The following CYBC1 variants were observed in gnomAD, a reference collection of about 807,000 sequenced individuals.
CYBC1 encodes cytochrome b-245 chaperone 1.
Under a neutral mutation model 21.7 loss-of-function variants are expected in CYBC1, and 22 were observed. The ratio of observed to expected loss-of-function variants is 1.02; its 90% CI spans 0.73 to 1.45. The LOEUF (loss-of-function observed/expected upper bound fraction) is 1.45, where lower values mean the gene tolerates loss of function less well. Among genes scored for constraint, CYBC1 ranks in the 40% most tolerant of loss-of-function variants. The pLI, the probability that CYBC1 is intolerant of heterozygous loss-of-function variation, is 0.00. For synonymous variants in CYBC1, 112 were observed against 98.7 expected (o/e 1.13, Z -0.80); for missense variants, 237 against 242.1 (o/e 0.98, Z 0.14).
At position 82,444,104 on chromosome 17, in the gene CYBC1, T is replaced by C. The variant is rs1017295961; in HGVS notation, c.464A>G (p.Lys155Arg). Reference protein sequence around the residue: ...GHRSDVEAIAKLITSFLELHC... With the variant: ...GHRSDVEAIARLITSFLELHC... ...CAGCTCCAGGAAGCTGGTGATGAGCTTGGCGATGGCTTCCACATCACTGGG... is the reference window on the plus strand; with the variant it reads ...CAGCTCCAGGAAGCTGGTGATGAGCCTGGCGATGGCTTCCACATCACTGGG... The change falls in exon 7 of 7, where the codon AAG becomes AGG. Residue 155 changes from lysine to arginine, a missense_variant. Coordinates refer to ENST00000306645, the MANE Select transcript of CYBC1 (RefSeq NM_001033046.4). The C allele has an allele frequency of 2.0e-5, 32 of 1,612,110 alleles. No individual in the cohort carries two copies. The Admixed American group carries it at 3.8e-4, about 19-fold the overall frequency.
At chr17:82,447,746 A>G in intron 2 of CYBC1, 125 bp from the exon 3 acceptor site, 3 of 844,746 alleles carry the variant, frequency 3.6e-6, no homozygotes, top group Non-Finnish European at 5.8e-6. Flanking sequence ...AGCTGTGGTC[A>G]GGGGTTACAG....
Position 82,443,618 on chromosome 17 carries a change from G to C in CYBC1, c.*386C>G, listed in dbSNP as rs1214822886. The stretch of plus-strand genomic sequence containing the variant: ...CAAAGCAGGAGTCCAGGGCTGGCGA[G>C]ACCTCCGGCTGCAGAAAGGCAGGCC... On this transcript the variant is annotated 3_prime_UTR_variant, in exon 7 of 7. Coordinates refer to ENST00000306645, the MANE Select transcript of CYBC1 (RefSeq NM_001033046.4). The surrounding 1 kb of genome is among the most constrained non-coding windows in gnomAD (Gnocchi z 6.7). 1 of 722,474 alleles carries C rather than the reference G, an allele frequency of 1.4e-6. No homozygotes were observed. Among genetic ancestry groups the C allele is most frequent in the Admixed American group, 2.0e-5 (1 of 51,150 alleles). 44.8% of individuals were successfully genotyped at this position (722,474 alleles called of 1,614,324 possible).
rs772684407 is a variant in CYBC1, at chr17:82,445,847, C to T, written c.298+17G>A. 30 of 1,591,694 alleles carry T rather than the reference C, an allele frequency of 1.9e-5. No homozygotes were observed. The highest frequency in any genetic ancestry group is 1.4e-4 in the Admixed American group (8 of 57,212). On this transcript the variant is annotated intron_variant, in intron 5 of 6. Coordinates refer to ENST00000306645, the MANE Select transcript of CYBC1 (RefSeq NM_001033046.4). ...TCTGTGGCCGTGTCCCATGTCCCCA[C>T]GCTCCCCACGACTCACCCTGGTCGT...
intron 5 of CYBC1, chr17:82,445,497 C>T: frequency 5.6e-6 from 1 of 178,392 alleles, no homozygotes; most frequent in South Asian, 1.0e-4. Context: ...GGACAAGTGG[C>T]TGCCAGGCAG....
chr17:82,442,984 T>C lies in CYBC1; in HGVS notation c.*1020A>G, dbSNP rs111793760. ...CTCCTACGGGGTGGGGAGAAGTCTG[T>C]AGCCGAGAGCCCAGCCCCCTCCTGC... is the stretch of plus-strand genomic sequence containing the variant. On this transcript the variant is annotated 3_prime_UTR_variant, in exon 7 of 7. Transcript: ENST00000306645. This position sits in a 1 kb window ranked among gnomAD's most constrained non-coding sequence, Gnocchi z 6.8. 4.8e-6 allele frequency: 1 copy of C among 206,328 alleles called. No individual in the cohort carries two copies. The highest frequency in any genetic ancestry group is 1.2e-4 in the East Asian group (1 of 8,510). 12.8% of individuals were successfully genotyped at this position (206,328 alleles called of 1,614,324 possible).
intron 1 of CYBC1, 150 bp from the exon 2 acceptor site, chr17:82,449,442 G>T: frequency 2.2e-6 from 1 of 455,102 alleles, no homozygotes; most frequent in Non-Finnish European, 3.9e-6. Flanking sequence ...TGGTCTCTGT[G>T]GTTGGGCACG....
intron 5 of CYBC1, 44 bp downstream of exon 5, chr17:82,445,820 C>A: frequency 6.7e-7 from 1 of 1,485,604 alleles, no homozygotes; most frequent in Non-Finnish European, 9.2e-7. Context: ...AAGTGCGCCG[C>A]CTCTGTGGCC....
intron 2 of CYBC1, 188 bp downstream of exon 2, chr17:82,448,982 C>A: frequency 1.8e-6 from 1 of 569,936 alleles, no homozygotes; most frequent in Non-Finnish European, 3.1e-6. Flanking sequence ...TAAAAGGGGA[C>A]AAAACAGACA....
At position 82,445,969 on chromosome 17, in the gene CYBC1, C is replaced by T. The variant is rs753072830; in HGVS notation, c.202-9G>A. ...TTGTCGAAGATGGCTTCCTGGAAACCGACATGCACTGACCACCATGAACCT... is the reference window on the plus strand; with the variant it reads ...TTGTCGAAGATGGCTTCCTGGAAACTGACATGCACTGACCACCATGAACCT... On this transcript the variant is annotated splice_polypyrimidine_tract_variant and intron_variant, in intron 4 of 6. Coordinates refer to ENST00000306645, the MANE Select transcript of CYBC1 (RefSeq NM_001033046.4). 2.0e-5 allele frequency: 32 copies of T among 1,611,856 alleles called. No homozygotes were observed. Among genetic ancestry groups the T allele is most frequent in the Middle Eastern group, 1.6e-4 (1 of 6,076 alleles).
intron 5 of CYBC1, chr17:82,445,471 G>GCCTCACCC: frequency 5.5e-6 from 1 of 183,460 alleles, no homozygotes. Flanking sequence ...TGCCGCTGGG[G>GCCTCACCC]CCAGACTGCA....
chr17:82,448,131 C>T lies in CYBC1; in HGVS notation c.86-510G>A, dbSNP rs556428528. The T allele has an allele frequency of 4.8e-5, 11 of 226,818 alleles. No homozygotes were observed. In the East Asian group the frequency reaches 1.9e-3, roughly 38 times the overall value. The allele number at this position is 226,818 out of a possible 1,614,324, so 14.1% of individuals were successfully genotyped here. The stretch of plus-strand genomic sequence containing the variant: ...GGCGTGTCACAAAAAAGGTGGGCCC[C>T]AGCTGCTGAGGTACAGCCAGCACCA... On this transcript the variant is annotated intron_variant, in intron 2 of 6. Coordinates refer to ENST00000306645, the MANE Select transcript of CYBC1 (RefSeq NM_001033046.4).
intron 6 of CYBC1, 156 bp from the exon 7 acceptor site, chr17:82,444,280 T>G: frequency 7.0e-7 from 1 of 1,420,228 alleles, no homozygotes; most frequent in Non-Finnish European, 9.4e-7. Flanking sequence ...AGCCTCCCCG[T>G]CACAGTGGGG....
intron 5 of CYBC1, 67 bp downstream of exon 5, chr17:82,445,797 C>A: frequency 1.6e-6 from 2 of 1,256,728 alleles, no homozygotes; most frequent in South Asian, 2.8e-5. Context: ...CCCCGTGAGT[C>A]ACCCAGACGC....
Position 82,449,311 on chromosome 17 carries a change from A to T in CYBC1, c.-38-19T>A, listed in dbSNP as rs1266823524. ...GAGGGGTCTGGGAACAGACAGAGGC[A>T]GCTGAGCCCTTGGGCCTGCACACAG... On this transcript the variant is annotated intron_variant, in intron 1 of 6. Coordinates refer to ENST00000306645, the MANE Select transcript of CYBC1 (RefSeq NM_001033046.4). 2.1e-6 allele frequency: 3 copies of T among 1,416,402 alleles called. No individual in the cohort carries two copies. Among genetic ancestry groups the T allele is most frequent in the Non-Finnish European group, 2.8e-6 (3 of 1,059,942 alleles). 87.7% of individuals were successfully genotyped at this position (1,416,402 alleles called of 1,614,324 possible).
At position 82,443,709 on chromosome 17, in the gene CYBC1, C is replaced by T; in HGVS notation, c.*295G>A. 2 of 776,028 alleles carry T rather than the reference C, an allele frequency of 2.6e-6. No individual in the cohort carries two copies. Among genetic ancestry groups the T allele is most frequent in the Non-Finnish European group, 4.7e-6 (2 of 427,854 alleles). 48.1% of individuals were successfully genotyped at this position (776,028 alleles called of 1,614,324 possible). On this transcript the variant is annotated 3_prime_UTR_variant, in exon 7 of 7. Coordinates refer to ENST00000306645, the MANE Select transcript of CYBC1 (RefSeq NM_001033046.4). This position sits in a 1 kb window ranked among gnomAD's most constrained non-coding sequence, Gnocchi z 6.7. ...CCTGCTGTTTCATGCAGTGTGCAAG[C>T]AGCAGCATGAGCAGGCAATAGGCCA...
chr17:82,447,691 A>C (rs773551321), intron 2 of CYBC1, 70 bp from the exon 3 acceptor site: 2 of 1,386,194 alleles, frequency 1.4e-6, no homozygotes, highest in African/African-American at 2.8e-5. Flanking sequence ...CAGCGGGACC[A>C]GGAGCCACAG....
rs754752685 is a variant in CYBC1 at position 82,444,494 on chromosome 17, C to T, written c.396G>A (p.Thr132=). The T allele has an allele frequency of 4.3e-6, 7 of 1,613,886 alleles. No homozygotes were observed. Among genetic ancestry groups the T allele is most frequent in the Middle Eastern group, 1.6e-4 (1 of 6,062 alleles). Residue 132 remains threonine, a synonymous_variant, in exon 6 of 7, where the codon ACG becomes ACA. Transcript: ENST00000306645. ...TCTGCGTGAGGGGGTGGGAGAAGCCCGTCGCAAGCCGGAGCACCACCATGT... is the reference window on the plus strand; with the variant it reads ...TCTGCGTGAGGGGGTGGGAGAAGCCTGTCGCAAGCCGGAGCACCACCATGT... ...KGYMVVLRLA[T]GFSHPLTQSA...
intron 3 of CYBC1, 147 bp from the exon 4 acceptor site, chr17:82,446,843 T>C (rs2054324505): frequency 1.4e-6 from 1 of 739,028 alleles, no homozygotes; most frequent in Admixed American, 2.5e-5. Context: ...GACCCTGCCC[T>C]GGCCACTCAG....
At position 82,443,932 on chromosome 17, in the gene CYBC1, A is replaced by G. The variant is rs200633734; in HGVS notation, c.*72T>C. The G allele has an allele frequency of 2.3e-4, 364 of 1,580,320 alleles. No individual in the cohort carries two copies. The highest frequency in any genetic ancestry group is 8.2e-4 in the Admixed American group (49 of 59,526). On this transcript the variant is annotated 3_prime_UTR_variant, in exon 7 of 7. Coordinates refer to ENST00000306645, the MANE Select transcript of CYBC1 (RefSeq NM_001033046.4). This position sits in a 1 kb window ranked among gnomAD's most constrained non-coding sequence, Gnocchi z 6.7. ...GTGCCACGGGTCCTGTGGGCGGTGCACGGGCTCAGGCACACCGGGAATGTG... is the reference window on the plus strand; with the variant it reads ...GTGCCACGGGTCCTGTGGGCGGTGCGCGGGCTCAGGCACACCGGGAATGTG...
Sources: allele counts gnomAD v4.1 joint callset, GRCh38; gene constraint gnomAD v4.1.1; non-coding constraint Gnocchi (gnomAD v3.1); transcripts MANE v1.5; gene names NCBI Gene and HGNC (gene_info 2026-07-23, HGNC 2026-07-21).